The following TM4SF5 variants were observed in gnomAD, a reference collection of about 807,000 sequenced individuals.
TM4SF5 encodes transmembrane 4 L six family member 5, also known as transmembrane 4 L6 family member 5.
Under a neutral mutation model 22.3 loss-of-function variants are expected in TM4SF5, and 16 were observed. The ratio of observed to expected loss-of-function variants is 0.72; its 90% CI spans 0.49 to 1.09. The LOEUF is 1.09. Ranked by LOEUF, TM4SF5 falls within the 50% of genes least tolerant of loss-of-function variation. The pLI, the probability that TM4SF5 is intolerant of heterozygous loss-of-function variation, is 0.00. For synonymous variants in TM4SF5, 113 were observed against 109.6 expected, an observed-to-expected ratio of 1.03 and a Z score of -0.19; for missense variants, 249 against 266.1, an observed-to-expected ratio of 0.94 and a Z score of 0.45.
chr17:4,778,458 T>C (rs1917244774), intron 1 of TM4SF5, among the ~76,000 whole-genome samples: 1 of 151,826 alleles, frequency 6.6e-6, no homozygotes, highest in Non-Finnish European at 1.5e-5. Context: ...TCCAAAAAAA[T>C]TAGCCAGGCA....
chr17:4,775,163 C>G (rs561830698), intron 1 of TM4SF5, among the ~76,000 whole-genome samples: 1 of 152,020 alleles, frequency 6.6e-6, no homozygotes, highest in East Asian at 1.9e-4. Context: ...GAGATGAGGT[C>G]TGAGGAGGGC....
In TM4SF5 at chr17:4,782,167, G is replaced by A. The variant is rs375197523; in HGVS notation, c.259-336G>A. 5.7e-4 allele frequency among the ~76,000 whole-genome samples: 86 copies of A among 151,232 alleles called. No individual in the cohort carries two copies. The East Asian group carries it at 0.011, about 19-fold the overall frequency. On this transcript the variant is annotated intron_variant, in intron 2 of 4. Coordinates refer to ENST00000270560, the MANE Select transcript of TM4SF5 (RefSeq NM_003963.3). ...GCTGGAGTGCAGTGGTGCGATCTCG[G>A]CTCATTGCAACCTCCGCCTCCCATG...
At chr17:4,773,156 C>A (rs1461527898) in intron 1 of TM4SF5, among the ~76,000 whole-genome samples, 1 of 152,112 alleles carries the variant, frequency 6.6e-6, no homozygotes, top group South Asian at 2.1e-4. Flanking sequence ...CCGCCCCCCT[C>A]GGCCTCCCAA....
At chr17:4,782,823 C>T in intron 3 of TM4SF5, 31 bp from the exon 4 acceptor site, 2 of 1,598,898 alleles carry the variant, frequency 1.3e-6, no homozygotes, top group Non-Finnish European at 1.7e-6. Flanking sequence ...CGCACGCTGC[C>T]TTCTCCCACG....
Position 4,783,209 on chromosome 17 carries a change from C to G in TM4SF5, c.*81C>G. 1.3e-6 allele frequency: 2 copies of G among 1,590,992 alleles called. No individual in the cohort carries two copies. Among genetic ancestry groups the G allele is most frequent in the East Asian group, 2.2e-5 (1 of 44,724 alleles). ...TCGCTAGAATAAACTGCTTTGCGCT[C>G]TCTTCTCTGTCTGAGATTGTGCCTT... On this transcript the variant is annotated 3_prime_UTR_variant, in exon 5 of 5. Coordinates refer to ENST00000270560, the MANE Select transcript of TM4SF5 (RefSeq NM_003963.3).
intron 1 of TM4SF5, among the ~76,000 whole-genome samples, chr17:4,777,456 G>C (rs894935299): frequency 2.6e-5 from 4 of 152,146 alleles, no homozygotes; most frequent in Admixed American, 2.0e-4. Flanking sequence ...ATCTCAAATA[G>C]GGCCAGGTGT....
At chr17:4,778,086 T>C (rs573102816) in intron 1 of TM4SF5, among the ~76,000 whole-genome samples, 13 of 152,148 alleles carry the variant, frequency 8.5e-5, no homozygotes, top group Admixed American at 7.2e-4. Flanking sequence ...TCATTCAAAA[T>C]TGGTAAATCC....
At chr17:4,774,777 C>G (rs2150645232) in intron 1 of TM4SF5, among the ~76,000 whole-genome samples, 2 of 152,100 alleles carry the variant, frequency 1.3e-5, no homozygotes, top group South Asian at 4.2e-4. Context: ...CGTGGTGGCG[C>G]ATGCCTGTAG....
intron 1 of TM4SF5, among the ~76,000 whole-genome samples, chr17:4,776,390 C>T (rs1917205747): frequency 6.6e-6 from 1 of 152,086 alleles, no homozygotes; most frequent in Non-Finnish European, 1.5e-5. Context: ...CAACCTCTGA[C>T]TCCCAGGTTC....
At chr17:4,774,775 C>T (rs552169565) in intron 1 of TM4SF5, among the ~76,000 whole-genome samples, 10 of 152,122 alleles carry the variant, frequency 6.6e-5, no homozygotes, top group Admixed American at 5.2e-4. Context: ...GGCGTGGTGG[C>T]GCATGCCTGT....
At chr17:4,779,055 CA>C (rs1297196059) in intron 1 of TM4SF5, among the ~76,000 whole-genome samples, 1,682 of 54,756 alleles carry the variant, frequency 0.031, 7 homozygotes, top group African/African-American at 0.074. Context: ...GACTCCGTCT[CA>C]AAAAAAAAAA....
At chr17:4,782,801 G>A in intron 3 of TM4SF5, 53 bp from the exon 4 acceptor site, 3 of 1,582,838 alleles carry the variant, frequency 1.9e-6, no homozygotes, top group Admixed American at 1.7e-5. Context: ...CTTGGGGGCG[G>A]GGTGGCGCAC....
chr17:4,775,719 G>A (rs1364382331), intron 1 of TM4SF5, among the ~76,000 whole-genome samples: 1 of 152,106 alleles, frequency 6.6e-6, no homozygotes, highest in Admixed American at 6.6e-5. Flanking sequence ...ATTACCAGAA[G>A]CCCAGACATG....
chr17:4,775,511 G>A (rs1917188939), intron 1 of TM4SF5, among the ~76,000 whole-genome samples: 1 of 151,628 alleles, frequency 6.6e-6, no homozygotes, highest in South Asian at 2.1e-4. Context: ...TGATCCACCC[G>A]CCTCGGCCTC....
chr17:4,780,991 A>G (rs1917294999), intron 2 of TM4SF5, 122 bp downstream of exon 2: 1 of 782,596 alleles, frequency 1.3e-6, no homozygotes, highest in African/African-American at 1.8e-5. Flanking sequence ...CCAGCCCAGG[A>G]AACATGGCAA....
chr17:4,776,740 G>T (rs1466437550), intron 1 of TM4SF5, among the ~76,000 whole-genome samples: 1 of 152,140 alleles, frequency 6.6e-6, no homozygotes, highest in Non-Finnish European at 1.5e-5. Context: ...CAGTAAAACT[G>T]CTGATTCTTA....
chr17:4,772,077 G>T lies in TM4SF5; in HGVS notation c.155G>T (p.Gly52Val). ...AGCTTGCAAGTCTGGCTCATGGGCGGCTTCATTGGCGGGGGCCTAATGGTG... is the reference window on the plus strand; with the variant it reads ...AGCTTGCAAGTCTGGCTCATGGGCGTCTTCATTGGCGGGGGCCTAATGGTG... ...HLSLQVWLMG[G>V]FIGGGLMVLC... The change falls in exon 1 of 5, where the codon GGC becomes GTC. Residue 52 changes from glycine to valine, a missense_variant. Physicochemically the swap from Gly to Val is moderately radical, Grantham distance 109. Coordinates refer to ENST00000270560, the MANE Select transcript of TM4SF5 (RefSeq NM_003963.3). 1 of 1,614,224 alleles carries T rather than the reference G, an allele frequency of 6.2e-7. No individual in the cohort carries two copies. Among genetic ancestry groups the T allele is most frequent in the Non-Finnish European group, 8.5e-7 (1 of 1,180,040 alleles).
intron 2 of TM4SF5, 133 bp downstream of exon 2, chr17:4,781,002 G>T (rs1276550439): frequency 2.8e-6 from 2 of 716,718 alleles, no homozygotes; most frequent in Non-Finnish European, 2.3e-6. Context: ...AACATGGCAA[G>T]ATCCCTATCT....
intron 2 of TM4SF5, 45 bp from the exon 3 acceptor site, chr17:4,782,455 CACA>C: frequency 6.2e-7 from 1 of 1,609,476 alleles, no homozygotes; most frequent in Non-Finnish European, 8.5e-7. Flanking sequence ...CGTCGTCACC[CACA>C]GGTGGGGAGA....
Sources: gnomAD v4.1 joint callset for allele counts (sites outside exome capture counted in the v4.1 genomes callset) on GRCh38, gnomAD v4.1.1 for gene constraint, MANE v1.5 for transcripts, NCBI Gene and HGNC (gene_info 2026-07-23, HGNC 2026-07-21) for gene names.